H2BC12: variants seen among roughly 807,000 people sequenced by gnomAD.
H2BC12 encodes histone H2B type 1-K.
H2BC12 carries 6 observed loss-of-function variants against 6.3 expected under a neutral mutation model. The ratio of observed to expected loss-of-function variants is 0.95; its 90% confidence interval spans 0.52 to 1.87. The LOEUF (loss-of-function observed/expected upper bound fraction) is 1.87, where lower values mean the gene tolerates loss of function less well. Ranked by LOEUF, H2BC12 falls within the 40% of genes most tolerant of loss-of-function variation. The pLI, the probability that H2BC12 is intolerant of heterozygous loss-of-function variation, is 0.01. For synonymous variants in H2BC12, 132 were observed against 78.5 expected, an observed-to-expected ratio of 1.68 and a Z score of -3.60; for missense variants, 119 against 178.4, an observed-to-expected ratio of 0.67 and a Z score of 1.90.
At chr6:27,146,290 C>G, downstream of H2BC12, 2 of 1,458,176 alleles carry the variant, frequency 1.4e-6, no homozygotes, top group Non-Finnish European at 1.9e-6. Context: ...TCATGATAAT[C>G]CCTTTAAAAA....
At chr6:27,145,785 C>T (rs939840591), downstream of H2BC12, among the ~76,000 whole-genome samples, 1 of 152,208 alleles carries the variant, frequency 6.6e-6, no homozygotes, top group Non-Finnish European at 1.5e-5. Context: ...TTTCTTCACT[C>T]CTGAGAAAAG....
At chr6:27,139,857 G>A in the H2BC12 span, 2 of 612,588 alleles carry the variant, frequency 3.3e-6, no homozygotes, top group Non-Finnish European at 2.7e-6. Flanking sequence ...GTAACTTCTG[G>A]CGGCTGCCTG....
chr6:27,146,556 C>T lies in H2BC12; in HGVS notation c.243G>A (p.Leu81=), dbSNP rs1760086793. 1.9e-6 allele frequency: 3 copies of T among 1,614,230 alleles called. No individual in the cohort carries two copies. Among genetic ancestry groups the T allele is most frequent in the East Asian group, 2.2e-5 (1 of 44,886 alleles). ...FERIAGEASR[L]AHYNKRSTIT... is the part of the protein sequence containing the mutation. ...TGGTCGAGCGCTTGTTGTAATGCGC[C>T]AGGCGGGAAGCCTCACCCGCGATGC... The change falls in exon 1 of 1, where the codon CTG becomes CTA. Residue 81 remains leucine (L), a synonymous_variant. Coordinates refer to ENST00000356950, the MANE Select transcript of H2BC12 (RefSeq NM_001312653.2).
At chr6:27,143,846 T>TAAAAAA (rs34292040), downstream of H2BC12, among the ~76,000 whole-genome samples, 86 of 113,588 alleles carry the variant, frequency 7.6e-4, no homozygotes, top group African/African-American at 2.9e-3. Context: ...AACTACTCTT[T>TAAAAAA]AAAAAAAAAA....
Position 27,146,781 on chromosome 6 carries a change from C to T in H2BC12, c.18G>A (p.Lys6=), listed in dbSNP as rs1760097861. The part of the protein sequence containing the change: MPEPA[K]SAPAPKKGSK... ...AGCCCTTCTTGGGCGCGGGAGCGGA[C>T]TTCGCTGGTTCCGGCATGTTGAAGG... The change falls in exon 1 of 1, where the codon AAG becomes AAA. Residue 6 remains lysine, a synonymous_variant. Transcript: ENST00000356950. The T allele has an allele frequency of 5.0e-6, 8 of 1,614,106 alleles. No individual in the cohort carries two copies. Among genetic ancestry groups the T allele is most frequent in the Non-Finnish European group, 6.8e-6 (8 of 1,180,004 alleles).
chr6:27,145,863 G>T (rs1760068657), downstream of H2BC12, among the ~76,000 whole-genome samples: 1 of 152,120 alleles, frequency 6.6e-6, no homozygotes, highest in Non-Finnish European at 1.5e-5. Flanking sequence ...GATGTCCCGT[G>T]GGCTGCAGAG....
chr6:27,144,267 G>A (rs1760041521), downstream of H2BC12, among the ~76,000 whole-genome samples: 2 of 152,112 alleles, frequency 1.3e-5, no homozygotes, highest in Admixed American at 1.3e-4. Context: ...TTCCAGACCA[G>A]CCTGGCCAAC....
downstream of H2BC12, among the ~76,000 whole-genome samples, chr6:27,142,102 C>G (rs11757963): frequency 0.014 from 2,064 of 152,066 alleles, 49 homozygotes; most frequent in African/African-American, 0.045. Context: ...TCAAGAATTC[C>G]CCACGAAAAT....
chr6:27,144,091 AAAGT>A (rs1232193186), downstream of H2BC12, among the ~76,000 whole-genome samples: 2 of 152,194 alleles, frequency 1.3e-5, no homozygotes, highest in Non-Finnish European at 2.9e-5. Flanking sequence ...TGATTTGAGC[AAAGT>A]AAGCTTTGCA....
the H2BC12 span, chr6:27,139,522 A>AC: frequency 1.1e-5 from 18 of 1,614,118 alleles, no homozygotes; most frequent in Admixed American, 1.7e-5. Context: ...GGACGCCGTG[A>AC]CCTACACGGA....
At chr6:27,144,471 G>A (rs187288443), downstream of H2BC12, among the ~76,000 whole-genome samples, 3 of 121,884 alleles carry the variant, frequency 2.5e-5, no homozygotes, top group Non-Finnish European at 3.5e-5. Context: ...GGGGGGGGGG[G>A]GGGGGGCGGA....
chr6:27,140,547 GTA>G, the H2BC12 span, among the ~76,000 whole-genome samples: 4 of 151,982 alleles, frequency 2.6e-5, no homozygotes, highest in South Asian at 8.3e-4. Flanking sequence ...AAACAGCACT[GTA>G]TACAGCTGTG....
chr6:27,140,672 C>G, the H2BC12 span, among the ~76,000 whole-genome samples: 1 of 151,826 alleles, frequency 6.6e-6, no homozygotes, highest in African/African-American at 2.4e-5. Context: ...CTCCCATATT[C>G]CACCAGCAGT....
At chr6:27,143,213 A>G (rs560461289), downstream of H2BC12, among the ~76,000 whole-genome samples, 49 of 152,104 alleles carry the variant, frequency 3.2e-4, no homozygotes, top group Admixed American at 2.3e-3. Flanking sequence ...CTAGCCAGGC[A>G]TGGTGGTGGG....
chr6:27,145,338 A>ACACACACACAC (rs60765842), downstream of H2BC12, among the ~76,000 whole-genome samples: 1 of 148,528 alleles, frequency 6.7e-6, no homozygotes, highest in Non-Finnish European at 1.5e-5. Context: ...ACACACACAC[A>ACACACACACAC]AAATTCCCCT....
the H2BC12 span, chr6:27,139,066 G>C: frequency 2.3e-6 from 1 of 437,116 alleles, no homozygotes; most frequent in Admixed American, 3.9e-5. Context: ...TTTTTGTTAT[G>C]AGGCAGGAAT....
the H2BC12 span, chr6:27,139,707 C>T: frequency 4.7e-6 from 7 of 1,497,362 alleles, 1 homozygote; most frequent in African/African-American, 7.0e-5. Context: ...TGACTGCAAA[C>T]TGAGTCTCTT....
At chr6:27,140,218 G>A in the H2BC12 span, among the ~76,000 whole-genome samples, 1 of 152,100 alleles carries the variant, frequency 6.6e-6, no homozygotes, top group Non-Finnish European at 1.5e-5. Context: ...ATGCGCTGGT[G>A]ACCACACCAC....
At chr6:27,140,364 T>G in the H2BC12 span, among the ~76,000 whole-genome samples, 2 of 152,236 alleles carry the variant, frequency 1.3e-5, no homozygotes, top group Non-Finnish European at 2.9e-5. Context: ...CGTTTTAACT[T>G]TAGATGCACA....
Sources: gnomAD v4.1 joint callset for allele counts (sites outside exome capture counted in the v4.1 genomes callset) on GRCh38, gnomAD v4.1.1 for gene constraint, MANE v1.5 for transcripts, NCBI Gene and HGNC (gene_info 2026-07-23, HGNC 2026-07-21) for gene names.